Variants in CSMD1 observed in about 807,000 individuals in gnomAD.
CSMD1 encodes the protein CUB and Sushi multiple domains 1, also known as CUB and sushi domain-containing protein 1.
CSMD1 carries 213 observed loss-of-function variants against 417.5 expected under a neutral mutation model. The ratio of observed to expected loss-of-function variants is 0.51; its 90% CI spans 0.46 to 0.57. The LOEUF is 0.57. CSMD1 is among the 20% of genes least tolerant of loss of function. CSMD1 has a pLI of 0.00. For missense variants in CSMD1, 6,923 were observed against 4,529.7 expected, an observed-to-expected ratio of 1.53 and a Z score of -15.17; for synonymous variants, 2,862 against 1,736.8, an observed-to-expected ratio of 1.65 and a Z score of -16.11.
intron 3 of CSMD1, among the ~76,000 whole-genome samples, chr8:4,344,056 T>C (rs1351137425): frequency 1.3e-5 from 2 of 152,192 alleles, no homozygotes; most frequent in Non-Finnish European, 2.9e-5. Flanking sequence ...TGTATGTGCG[T>C]GTGCGCACAC....
intron 3 of CSMD1, among the ~76,000 whole-genome samples, chr8:4,119,131 C>G (rs978286946): frequency 2.0e-5 from 3 of 152,066 alleles, no homozygotes; most frequent in African/African-American, 7.2e-5. Flanking sequence ...AGGGAACGTA[C>G]CTAATGCATG....
At chr8:4,916,467 T>TG (rs1381445623) in intron 1 of CSMD1, among the ~76,000 whole-genome samples, 2 of 152,254 alleles carry the variant, frequency 1.3e-5, no homozygotes, top group African/African-American at 4.8e-5. Flanking sequence ...GAAGATGGTT[T>TG]TGTTCAACTT....
chr8:3,707,700 G>A (rs1424997128), intron 7 of CSMD1, among the ~76,000 whole-genome samples: 2 of 152,222 alleles, frequency 1.3e-5, no homozygotes, highest in Admixed American at 1.3e-4. Context: ...TGCATAGTGA[G>A]TCTCCAAGGA....
At chr8:3,290,132 G>A (rs1309843973) in intron 25 of CSMD1, among the ~76,000 whole-genome samples, 1 of 146,724 alleles carries the variant, frequency 6.8e-6, no homozygotes, top group African/African-American at 2.7e-5. Flanking sequence ...AGATCAGATA[G>A]TTGTAGATAT....
At chr8:4,552,124 G>C (rs1408742520) in intron 2 of CSMD1, among the ~76,000 whole-genome samples, 1 of 152,182 alleles carries the variant, frequency 6.6e-6, no homozygotes. Flanking sequence ...GGGTGTCTTA[G>C]AAGGCACAAA....
chr8:3,869,211 C>T lies in CSMD1; in HGVS notation c.819-115169G>A, dbSNP rs768842059. ...GGCTTCTGCACTAGGCCCTCCACCTCGGTGTTTCTCTGATGCTCTGCCTAG... is the reference window on the plus strand; with the variant it reads ...GGCTTCTGCACTAGGCCCTCCACCTTGGTGTTTCTCTGATGCTCTGCCTAG... On this transcript the variant is annotated intron_variant, in intron 5 of 69. Coordinates refer to ENST00000635120, the MANE Select transcript of CSMD1 (RefSeq NM_033225.6). Among the ~76,000 whole-genome samples the T allele has an allele frequency of 3.9e-5, 6 of 152,140 alleles. 1 individual carries two copies. The highest frequency in any genetic ancestry group is 9.7e-5 in the African/African-American group (4 of 41,438).
At chr8:3,642,147 G>C (rs997173254) in intron 7 of CSMD1, among the ~76,000 whole-genome samples, 2 of 151,572 alleles carry the variant, frequency 1.3e-5, no homozygotes, top group African/African-American at 4.8e-5. Flanking sequence ...AATAGACAAA[G>C]ATATGATACA....
intron 60 of CSMD1, 130 bp downstream of exon 60, chr8:2,963,092 T>C: frequency 1.0e-6 from 1 of 989,008 alleles, no homozygotes; most frequent in East Asian, 2.5e-5. Flanking sequence ...CAAGTTTGAG[T>C]TTTTGTGTAT....
At chr8:4,612,820 C>A (rs959762278) in intron 2 of CSMD1, among the ~76,000 whole-genome samples, 1 of 152,150 alleles carries the variant, frequency 6.6e-6, no homozygotes, top group Admixed American at 6.5e-5. Context: ...CTGGCTTTGA[C>A]AGAATTTAAG....
At chr8:4,811,736 G>A (rs1209560370) in intron 1 of CSMD1, among the ~76,000 whole-genome samples, 2 of 151,816 alleles carry the variant, frequency 1.3e-5, no homozygotes, top group African/African-American at 4.8e-5. Context: ...TTTTTGCTTC[G>A]TTTAAATCTT....
intron 3 of CSMD1, among the ~76,000 whole-genome samples, chr8:4,188,317 G>C (rs1294815505): frequency 1.3e-5 from 2 of 152,104 alleles, no homozygotes; most frequent in Admixed American, 6.6e-5. Context: ...CGCTCACGTG[G>C]TTTTCTGGAC....
At chr8:4,413,737 T>C (rs111299059) in intron 3 of CSMD1, among the ~76,000 whole-genome samples, 1 of 152,214 alleles carries the variant, frequency 6.6e-6, no homozygotes, top group South Asian at 2.1e-4. Flanking sequence ...CTAATACAGC[T>C]AGTGTTCAAA....
At chr8:4,179,764 G>C (rs1369297511) in intron 3 of CSMD1, among the ~76,000 whole-genome samples, 1 of 147,048 alleles carries the variant, frequency 6.8e-6, no homozygotes, top group African/African-American at 2.5e-5. Flanking sequence ...AAAAAGTGGT[G>C]AACAATATGA....
intron 2 of CSMD1, among the ~76,000 whole-genome samples, chr8:4,599,656 T>C (rs1800480033): frequency 6.6e-6 from 1 of 152,188 alleles, no homozygotes. Context: ...TGGTTATTTG[T>C]AGGAATGACA....
intron 7 of CSMD1, among the ~76,000 whole-genome samples, chr8:3,684,245 T>C (rs1799820620): frequency 7.0e-6 from 1 of 143,288 alleles, no homozygotes; most frequent in Non-Finnish European, 1.5e-5. Context: ...ATATAATTTA[T>C]ATATTATATA....
At chr8:4,540,479 G>C (rs1441928367) in intron 2 of CSMD1, among the ~76,000 whole-genome samples, 1 of 152,196 alleles carries the variant, frequency 6.6e-6, no homozygotes, top group Non-Finnish European at 1.5e-5. Flanking sequence ...TGAGGCAGGA[G>C]AATGGCTTGA....
rs568901378 is a variant in CSMD1, at chr8:4,914,620, A to G, written c.85+79712T>C. On this transcript the variant is annotated intron_variant, in intron 1 of 69. Coordinates refer to ENST00000635120, the MANE Select transcript of CSMD1 (RefSeq NM_033225.6). ...AAAAAAAAATAGAAGATAGAAATAT[A>G]ACGGTCGCCTTTAACTTCTGCAAGT... is the stretch of plus-strand genomic sequence containing the variant. 7.0e-4 allele frequency among the ~76,000 whole-genome samples: 106 copies of G among 151,808 alleles called. 2 individuals carry two copies. The South Asian group carries it at 0.021, about 30-fold the overall frequency.
rs112984579 is a variant in CSMD1 at position 3,736,654 on chromosome 8, A to C, written c.931+17276T>G. On this transcript the variant is annotated intron_variant, in intron 6 of 69. Coordinates refer to ENST00000635120, the MANE Select transcript of CSMD1 (RefSeq NM_033225.6). The stretch of plus-strand genomic sequence containing the variant: ...TTTCTCATGCCCCAGGTCTTCCATC[A>C]CCTGCGACCTGGCCTGACTCAGCTT... Among the ~76,000 whole-genome samples the C allele has an allele frequency of 4.1e-3, 622 of 152,208 alleles. 5 individuals are homozygous for C. The highest frequency in any genetic ancestry group is 0.014 in the African/African-American group (598 of 41,540).
rs759079537 is a variant in CSMD1, at chr8:3,736,048, C to A, written c.931+17882G>T. Among the ~76,000 whole-genome samples the A allele has an allele frequency of 2.0e-5, 3 of 152,106 alleles. No individual in the cohort carries two copies. In the East Asian group the frequency reaches 5.8e-4, roughly 29 times the overall value. ...AGGGAATAGAAATACAAAGAACTACCTAAAGCAGGTGTGAAGGAGATTAAT... is the reference window on the plus strand; with the variant it reads ...AGGGAATAGAAATACAAAGAACTACATAAAGCAGGTGTGAAGGAGATTAAT... On this transcript the variant is annotated intron_variant, in intron 6 of 69. Coordinates refer to ENST00000635120, the MANE Select transcript of CSMD1 (RefSeq NM_033225.6).
Sources: gnomAD v4.1 joint callset for allele counts (sites outside exome capture counted in the v4.1 genomes callset) on GRCh38, gnomAD v4.1.1 for gene constraint, MANE v1.5 for transcripts, NCBI Gene and HGNC (gene_info 2026-07-23, HGNC 2026-07-21) for gene names.